FBXO10: variants seen among roughly 807,000 people sequenced by gnomAD.
The protein encoded by FBXO10 is F-box protein 10.
A neutral mutation model predicts 80.7 loss-of-function variants in FBXO10; 39 were observed. The observed-to-expected ratio is 0.48, with a 90% CI of 0.37 to 0.63. The LOEUF (loss-of-function observed/expected upper bound fraction) is 0.63. Ranked by LOEUF, FBXO10 falls within the 30% of genes least tolerant of loss-of-function variation. The probability of loss-of-function intolerance (pLI) is 0.00; values close to 1 mark genes in which losing one functional copy is unlikely to be tolerated. For missense variants in FBXO10, 1,025 were observed against 1,269.0 expected (o/e 0.81, Z 2.92); for synonymous variants, 449 against 489.6 (o/e 0.92, Z 1.09).
rs927557525 is a variant in FBXO10, at chr9:37,576,360, G to A, written c.-156C>T. ...GGGCGGACAGCTGCCTGGGGATCGTGCGGAGCCGCCGCCGTCATGTGACGC... is the reference window on the plus strand; with the variant it reads ...GGGCGGACAGCTGCCTGGGGATCGTACGGAGCCGCCGCCGTCATGTGACGC... On this transcript the variant is annotated 5_prime_UTR_variant, in exon 1 of 11. Transcript: ENST00000432825. 1 of 152,136 alleles carries A rather than the reference G, an allele frequency of 6.6e-6. No individual in the cohort carries two copies. Among genetic ancestry groups the A allele is most frequent in the African/African-American group, 2.4e-5 (1 of 41,438 alleles). The allele number at this position is 152,136 out of a possible 1,614,324, so 9.4% of individuals were successfully genotyped here.
intron 8 of FBXO10, 130 bp from the exon 9 acceptor site, chr9:37,518,568 GAA>G (rs1821244443): frequency 1.3e-6 from 1 of 746,070 alleles, no homozygotes; most frequent in African/African-American, 1.8e-5. Context: ...CCAACACTCA[GAA>G]ACAACCCTTG....
intron 1 of FBXO10, among the ~76,000 whole-genome samples, chr9:37,571,749 T>TATATATATATATATATATATATA (rs1554649990): frequency 1.5e-5 from 1 of 66,646 alleles, no homozygotes; most frequent in Non-Finnish European, 2.8e-5. Context: ...ATATATATAT[T>TATATATATATATATATATATATA]TCCTTATTGA....
intron 4 of FBXO10, among the ~76,000 whole-genome samples, chr9:37,530,440 C>T (rs10973398): frequency 0.22 from 33,374 of 151,960 alleles, 5,965 homozygotes; most frequent in African/African-American, 0.5. Flanking sequence ...CTAAAATATA[C>T]CACTCCCTTC....
At chr9:37,541,106 A>G (rs1437551261) in intron 2 of FBXO10, 78 bp downstream of exon 2, 4 of 1,272,180 alleles carry the variant, frequency 3.1e-6, no homozygotes, top group African/African-American at 3.0e-5. Flanking sequence ...CAACAAAAAA[A>G]GGGATTAAAA....
Position 37,515,950 on chromosome 9 carries a change from GGTT to G in FBXO10, c.2647_2649del (p.Asn883del), listed in dbSNP as rs775454140. On this transcript the variant is annotated inframe_deletion, in exon 10 of 11. Transcript: ENST00000432825. ...TTGTTGTTTTGCATGATGCATTCTC[GGTT>G]GTTTGAGATCTGCTGAAAGATGGTC... 1.4e-5 allele frequency: 22 copies of G among 1,613,990 alleles called. No individual in the cohort carries two copies. The East Asian group carries it at 4.5e-4, about 33-fold the overall frequency.
intron 5 of FBXO10, 77 bp downstream of exon 5, chr9:37,529,047 C>T (rs1028169133): frequency 1.1e-5 from 18 of 1,572,546 alleles, no homozygotes; most frequent in South Asian, 4.6e-5. Context: ...CAGTTGTTTC[C>T]GTAAAGAGTG....
rs574732872 is a variant in FBXO10 at position 37,521,222 on chromosome 9, C to T, written c.2200+347G>A. On this transcript the variant is annotated intron_variant, in intron 8 of 10. Transcript: ENST00000432825. ...TCTGCAGAAGGCCCTGCCTGGCGGC[C>T]GCACCGTCTCAAAAATAAGAAGCAC... 1.1e-4 allele frequency among the ~76,000 whole-genome samples: 16 copies of T among 152,252 alleles called. No homozygotes were observed. The South Asian group carries it at 1.9e-3, about 18-fold the overall frequency.
chr9:37,568,086 G>T (rs747675957), intron 1 of FBXO10, among the ~76,000 whole-genome samples: 12 of 151,410 alleles, frequency 7.9e-5, no homozygotes, highest in Non-Finnish European at 1.0e-4. Flanking sequence ...AAAGGGCCAG[G>T]GACACAGTAA....
chr9:37,563,890 T>C (rs1454739408), intron 1 of FBXO10, among the ~76,000 whole-genome samples: 6 of 152,260 alleles, frequency 3.9e-5, no homozygotes, highest in African/African-American at 1.4e-4. Context: ...TCAAGCCCAA[T>C]GCAGAAATTT....
At chr9:37,551,208 T>C (rs1822190195) in intron 1 of FBXO10, among the ~76,000 whole-genome samples, 1 of 152,204 alleles carries the variant, frequency 6.6e-6, no homozygotes. Flanking sequence ...GGACACAACG[T>C]GTTGGGGGCT....
chr9:37,565,234 T>C (rs1822574079), intron 1 of FBXO10, among the ~76,000 whole-genome samples: 2 of 152,180 alleles, frequency 1.3e-5, no homozygotes, highest in Non-Finnish European at 2.9e-5. Context: ...TGTGAGTCAA[T>C]TAAACCTCTT....
chr9:37,514,899 C>T (rs1184130746), intron 10 of FBXO10: 1 of 151,760 alleles, frequency 6.6e-6, no homozygotes, highest in African/African-American at 2.4e-5. Flanking sequence ...TATTTTTTCC[C>T]GAGAGTGTGT....
intron 1 of FBXO10, among the ~76,000 whole-genome samples, chr9:37,557,164 C>T (rs1456744772): frequency 1.3e-5 from 2 of 152,128 alleles, no homozygotes. Flanking sequence ...TTCTTTCAGG[C>T]AATGATGCCA....
intron 1 of FBXO10, among the ~76,000 whole-genome samples, chr9:37,556,756 G>C (rs2119168125): frequency 6.6e-6 from 1 of 152,168 alleles, no homozygotes; most frequent in South Asian, 2.1e-4. Flanking sequence ...TGTTGGCCAG[G>C]CTGGTTTTGA....
chr9:37,518,075 G>T, intron 9 of FBXO10, 50 bp downstream of exon 9: 1 of 1,555,132 alleles, frequency 6.4e-7, no homozygotes, highest in Non-Finnish European at 8.7e-7. Context: ...CTATCCCAGG[G>T]TTGTGCCCTG....
At chr9:37,573,430 G>C (rs1463886418) in intron 1 of FBXO10, among the ~76,000 whole-genome samples, 3 of 152,188 alleles carry the variant, frequency 2.0e-5, no homozygotes, top group Non-Finnish European at 4.4e-5. Flanking sequence ...ACCAAGCATG[G>C]AATCATGCTG....
In FBXO10 at chr9:37,518,333, G is replaced by A. The variant is rs1279055384; in HGVS notation, c.2306C>T (p.Thr769Ile). ...GGAGATGCTGTTGTTGGCCACTCGGGTGGGTTGGCTGCTCTGGGCCACAGT... is the reference window on the plus strand; with the variant it reads ...GGAGATGCTGTTGTTGGCCACTCGGATGGGTTGGCTGCTCTGGGCCACAGT... ...GITVAQSSQP[T>I]RVANNSISCN... Residue 769 changes from threonine to isoleucine, a missense_variant, in exon 9 of 11, where the codon ACC (threonine) becomes ATC (isoleucine). Coordinates refer to ENST00000432825, the MANE Select transcript of FBXO10 (RefSeq NM_012166.3). 3 of 1,614,058 alleles carry A rather than the reference G, an allele frequency of 1.9e-6. No individual in the cohort carries two copies. The highest frequency in any genetic ancestry group is 2.2e-5 in the South Asian group (2 of 91,086).
chr9:37,543,250 A>G (rs920361504), intron 1 of FBXO10, among the ~76,000 whole-genome samples: 6 of 152,176 alleles, frequency 3.9e-5, no homozygotes, highest in African/African-American at 1.2e-4. Context: ...TTTATATCAC[A>G]TGATTATAGA....
chr9:37,512,649 T>G lies in FBXO10; in HGVS notation c.2769A>C (p.Ala923=), dbSNP rs1483763856. 6.2e-7 allele frequency: 1 copy of G among 1,614,008 alleles called. No homozygotes were observed. The highest frequency in any genetic ancestry group is 8.5e-7 in the Non-Finnish European group (1 of 1,179,892). The change falls in exon 11 of 11, where the codon GCA becomes GCC. Residue 923 remains alanine, a synonymous_variant. Coordinates refer to ENST00000432825, the MANE Select transcript of FBXO10 (RefSeq NM_012166.3). ...HLENSLRRPS[A]AHNGQKVTAM... ...CTGTCACCTTCTGCCCATTGTGGGCTGCCGAGGGACGTCTGAGAGAATTTT... is the reference window on the plus strand; with the variant it reads ...CTGTCACCTTCTGCCCATTGTGGGCGGCCGAGGGACGTCTGAGAGAATTTT...
Sources: gnomAD v4.1 joint callset for allele counts (sites outside exome capture counted in the v4.1 genomes callset) on GRCh38, gnomAD v4.1.1 for gene constraint, MANE v1.5 for transcripts, NCBI Gene and HGNC (gene_info 2026-07-23, HGNC 2026-07-21) for gene names.